DIP2C: variants seen among roughly 807,000 people sequenced by gnomAD.
DIP2C encodes the protein disco-interacting protein 2 homolog C.
DIP2C carries 33 observed loss-of-function variants against 192.4 expected under a neutral mutation model. The ratio of observed to expected loss-of-function variants is 0.17; its 90% CI spans 0.13 to 0.23. DIP2C has a LOEUF of 0.23. DIP2C is among the 10% of genes least tolerant of loss of function. DIP2C has a pLI of 1.00. For missense variants in DIP2C, 1,537 were observed against 2,110.1 expected, an observed-to-expected ratio of 0.73 and a Z score of 5.32; for synonymous variants, 979 against 864.1, an observed-to-expected ratio of 1.13 and a Z score of -2.33.
intron 2 of DIP2C, among the ~76,000 whole-genome samples, chr10:481,372 G>A (rs951310430): frequency 1.3e-5 from 2 of 152,218 alleles, no homozygotes; most frequent in Admixed American, 6.5e-5. Flanking sequence ...CCCAGTGGGA[G>A]AATCTGCAAC....
At position 276,265 on chromosome 10, in the gene DIP2C, G is replaced by A. The variant is rs1026841048; in HGVS notation, c.*1060C>T. 10 of 152,596 alleles carry A rather than the reference G, an allele frequency of 6.6e-5. No homozygotes were observed. The highest frequency in any genetic ancestry group is 2.4e-4 in the African/African-American group (10 of 41,444). 9.5% of individuals were successfully genotyped at this position (152,596 alleles called of 1,614,324 possible). A position where few individuals can be genotyped will look rare whatever the true frequency, so the allele number is the denominator to read the frequency against. ...TGCACATTGAGCTTTGAATTCTTTT[G>A]CCATCCTTGAGATGGCAATAATTTC... is the stretch of plus-strand genomic sequence containing the variant. On this transcript the variant is annotated 3_prime_UTR_variant, in exon 37 of 37. Coordinates refer to ENST00000280886, the MANE Select transcript of DIP2C (RefSeq NM_014974.3).
intron 1 of DIP2C, among the ~76,000 whole-genome samples, chr10:527,747 A>G (rs767766486): frequency 1.2e-4 from 18 of 152,254 alleles, no homozygotes; most frequent in Non-Finnish European, 2.4e-4. Flanking sequence ...TGGTTGGCCT[A>G]GAACCACAGG....
intron 1 of DIP2C, among the ~76,000 whole-genome samples, chr10:583,429 A>AC (rs1297800529): frequency 6.6e-6 from 1 of 152,262 alleles, no homozygotes; most frequent in Non-Finnish European, 1.5e-5. Flanking sequence ...AAGGTCCTTT[A>AC]CGGAAGGTTC....
chr10:320,917 C>G (rs1194656494), intron 31 of DIP2C, among the ~76,000 whole-genome samples: 1 of 152,238 alleles, frequency 6.6e-6, no homozygotes, highest in Non-Finnish European at 1.5e-5. Context: ...AGCACCGCAG[C>G]TGACAGAGTT....
intron 18 of DIP2C, among the ~76,000 whole-genome samples, chr10:367,104 GTT>G (rs1453407873): frequency 1.3e-5 from 2 of 152,232 alleles, no homozygotes; most frequent in African/African-American, 4.8e-5. Context: ...GGAAACATAA[GTT>G]AAACTCACAG....
chr10:529,373 A>C (rs1334651417), intron 1 of DIP2C, among the ~76,000 whole-genome samples: 1 of 152,244 alleles, frequency 6.6e-6, no homozygotes, highest in Non-Finnish European at 1.5e-5. Flanking sequence ...GAGAGGAAGA[A>C]GGGATCAGAG....
intron 1 of DIP2C, chr10:662,022 G>A (rs763287791): frequency 2.7e-5 from 19 of 714,860 alleles, no homozygotes; most frequent in African/African-American, 5.2e-5. Flanking sequence ...CGAGTGCCCC[G>A]CAGGAGCCTG....
chr10:547,244 GCCTTGGTCCTCTGATCCAGGAGGGCT>G (rs1456682744), intron 1 of DIP2C, among the ~76,000 whole-genome samples: 2 of 152,220 alleles, frequency 1.3e-5, no homozygotes, highest in Non-Finnish European at 2.9e-5. Context: ...CGAGGCCACA[GCCTTGGTCCTCTGATCCAGGAGGGCT>G]CCTGCAGCTC....
chr10:495,350 A>G (rs190475135), intron 1 of DIP2C, among the ~76,000 whole-genome samples: 8 of 152,290 alleles, frequency 5.3e-5, no homozygotes, highest in Non-Finnish European at 1.0e-4. Context: ...AAATTCAGTT[A>G]ACAATGCATC....
intron 6 of DIP2C, among the ~76,000 whole-genome samples, chr10:417,688 G>GT: frequency 7.9e-6 from 1 of 126,764 alleles, no homozygotes; most frequent in African/African-American, 3.0e-5. Flanking sequence ...AGGCCTCCCT[G>GT]TCCGCCTGTG....
At chr10:494,639 T>G (rs965124605) in intron 1 of DIP2C, among the ~76,000 whole-genome samples, 1 of 152,200 alleles carries the variant, frequency 6.6e-6, no homozygotes, top group South Asian at 2.1e-4. Flanking sequence ...CCAGTCAATA[T>G]GCAGCATGAG....
At chr10:447,008 G>A (rs543423247) in intron 3 of DIP2C, among the ~76,000 whole-genome samples, 166 of 152,234 alleles carry the variant, frequency 1.1e-3, no homozygotes, top group African/African-American at 3.7e-3. Flanking sequence ...AAAAAGCTTC[G>A]GCATCTATAT....
intron 25 of DIP2C, 71 bp from the exon 26 acceptor site, chr10:348,833 C>A (rs979085459): frequency 4.1e-5 from 64 of 1,574,346 alleles, no homozygotes; most frequent in Non-Finnish European, 5.1e-5. Context: ...CTGTCAGCAT[C>A]AATGCTTGTC....
rs1310670172 is a variant in DIP2C at position 419,241 on chromosome 10, G to GT, written c.605-43dup. The GT allele has an allele frequency of 3.1e-6, 5 of 1,612,848 alleles. No individual in the cohort carries two copies. The Admixed American group carries it at 8.3e-5, about 27-fold the overall frequency. On this transcript the variant is annotated intron_variant, in intron 5 of 36. Transcript: ENST00000280886. ...CATGAGATTTTCTGGTGGTTGTGAT[G>GT]TTTGCTCTGAAGGTGGAACAAGCCA...
rs377756463 is a variant in DIP2C, at chr10:655,516, C to G, written c.85+33978G>C. 1.4e-4 allele frequency among the ~76,000 whole-genome samples: 22 copies of G among 152,296 alleles called. No individual in the cohort carries two copies. The East Asian group carries it at 3.3e-3, about 23-fold the overall frequency. On this transcript the variant is annotated intron_variant, in intron 1 of 36. Coordinates refer to ENST00000280886, the MANE Select transcript of DIP2C (RefSeq NM_014974.3). ...CGCTACGTAATACTCACTGTCCTCTCTGTTCTGTGCTATGCGACTCTGCTA... is the reference window on the plus strand; with the variant it reads ...CGCTACGTAATACTCACTGTCCTCTGTGTTCTGTGCTATGCGACTCTGCTA...
At chr10:401,944 G>A (rs186645648) in intron 9 of DIP2C, among the ~76,000 whole-genome samples, 5 of 148,882 alleles carry the variant, frequency 3.4e-5, no homozygotes, top group African/African-American at 1.3e-4. Context: ...TCTTCCTTAT[G>A]GACAAGTTTG....
chr10:543,391 G>C (rs1258703526), intron 1 of DIP2C, among the ~76,000 whole-genome samples: 2 of 152,230 alleles, frequency 1.3e-5, no homozygotes, highest in Non-Finnish European at 2.9e-5. Context: ...TAACTCATCA[G>C]ATGTGCCAAA....
rs1831456039 is a variant in DIP2C at position 689,304 on chromosome 10, A to T, written c.85+190T>A. ...CACAAACGTCCCCAGAGCGCGGGGG[A>T]TCGCGGCCTCACAAACGTCCCTAGG... On this transcript the variant is annotated intron_variant, in intron 1 of 36. Transcript: ENST00000280886. The surrounding 1 kb of genome is among the most constrained non-coding windows in gnomAD (Gnocchi z 6.1). Among the ~76,000 whole-genome samples, 1 of 150,292 alleles carries T rather than the reference A, an allele frequency of 6.7e-6. No individual in the cohort carries two copies. Among genetic ancestry groups the T allele is most frequent in the African/African-American group, 2.5e-5 (1 of 40,658 alleles).
intron 3 of DIP2C, among the ~76,000 whole-genome samples, chr10:446,626 C>T (rs572169234): frequency 3.3e-5 from 5 of 152,320 alleles, no homozygotes; most frequent in East Asian, 1.9e-4. Context: ...ACCTGAACCA[C>T]GGAGAATGGC....
Sources: allele counts gnomAD v4.1 joint callset (sites outside exome capture counted in the v4.1 genomes callset), GRCh38; gene constraint gnomAD v4.1.1; non-coding constraint Gnocchi (gnomAD v3.1); transcripts MANE v1.5; gene names NCBI Gene and HGNC (gene_info 2026-07-23, HGNC 2026-07-21).